Variants in ILRUN observed in about 807,000 individuals in gnomAD.
The protein encoded by ILRUN is inflammation and lipid regulator with UBA-like and NBR1-like domains, also known as protein ILRUN.
ILRUN carries 3 observed loss-of-function variants against 33.8 expected under a neutral mutation model. The observed-to-expected ratio is 0.09, with a 90% CI of 0.04 to 0.23. The LOEUF is 0.23. Ranked by LOEUF, ILRUN falls within the 10% of genes least tolerant of loss-of-function variation. ILRUN has a pLI of 1.00. For missense variants in ILRUN, 210 were observed against 375.1 expected, an observed-to-expected ratio of 0.56 and a Z score of 3.64; for synonymous variants, 124 against 138.9, an observed-to-expected ratio of 0.89 and a Z score of 0.75.
chr6:34,692,969 T>C (rs574462520), intron 1 of ILRUN, among the ~76,000 whole-genome samples: 4 of 152,240 alleles, frequency 2.6e-5, no homozygotes, highest in Admixed American at 2.6e-4. Context: ...TCCCAGCTAC[T>C]CAAGAGGCTG....
intron 1 of ILRUN, among the ~76,000 whole-genome samples, chr6:34,662,169 G>A (rs1422445336): frequency 7.1e-6 from 1 of 140,066 alleles, no homozygotes; most frequent in African/African-American, 2.7e-5. Context: ...AGCTGGGCGT[G>A]GTGGCAGGCG....
chr6:34,671,511 A>T (rs1000234433), intron 1 of ILRUN, among the ~76,000 whole-genome samples: 28 of 152,260 alleles, frequency 1.8e-4, no homozygotes, highest in Non-Finnish European at 4.0e-4. Context: ...AGTTATCTGT[A>T]TAATATATGT....
In ILRUN at chr6:34,683,479, T is replaced by TATAC. The variant is rs1562033108; in HGVS notation, c.158+12966_158+12967insGTAT. ...ATATATATACATATATATACACATA[T>TATAC]ATATATACATATATATATACATATA... On this transcript the variant is annotated intron_variant, in intron 1 of 4. Coordinates refer to ENST00000374023, the MANE Select transcript of ILRUN (RefSeq NM_024294.4). 1.4e-4 allele frequency among the ~76,000 whole-genome samples: 15 copies of TATAC among 106,298 alleles called. 1 individual carries two copies. The highest frequency in any genetic ancestry group is 6.3e-4 in the African/African-American group (13 of 20,560). The allele number at this position is 106,298 out of a possible 152,430, so 69.7% of individuals were successfully genotyped here.
At chr6:34,590,671 G>T in intron 4 of ILRUN, 71 bp from the exon 5 acceptor site, 1 of 1,117,012 alleles carries the variant, frequency 9.0e-7, no homozygotes. Flanking sequence ...CCAAGTGCAA[G>T]ATCTATGGTT....
intron 3 of ILRUN, among the ~76,000 whole-genome samples, chr6:34,645,064 CTCTT>C (rs1020813955): frequency 1.3e-5 from 2 of 152,128 alleles, no homozygotes; most frequent in Non-Finnish European, 2.9e-5. Flanking sequence ...CACTATGAGA[CTCTT>C]TCTAATATTA....
chr6:34,687,581 C>T (rs1272151686), intron 1 of ILRUN, among the ~76,000 whole-genome samples: 1 of 151,414 alleles, frequency 6.6e-6, no homozygotes, highest in Non-Finnish European at 1.5e-5. Context: ...AGCTGTAGTC[C>T]CAGCTACTCG....
intron 1 of ILRUN, among the ~76,000 whole-genome samples, chr6:34,675,299 A>G (rs577761153): frequency 6.6e-6 from 1 of 152,110 alleles, no homozygotes; most frequent in African/African-American, 2.4e-5. Flanking sequence ...AAAAAGCAAA[A>G]ACAACAACAA....
chr6:34,600,744 T>C (rs1374318196), intron 4 of ILRUN, among the ~76,000 whole-genome samples: 4 of 152,192 alleles, frequency 2.6e-5, no homozygotes, highest in African/African-American at 9.7e-5. Context: ...GGTTTAATAG[T>C]AGAAAAGTCA....
chr6:34,588,600 C>A lies in ILRUN; in HGVS notation c.*1965G>T, dbSNP rs1245172683. On this transcript the variant is annotated 3_prime_UTR_variant, in exon 5 of 5. Transcript: ENST00000374023. ...CATCCTGAGGCCTGTGGCGTGGGTACCTGGCAGAGACTTCCCTCTGCTCTG... is the reference window on the plus strand; with the variant it reads ...CATCCTGAGGCCTGTGGCGTGGGTAACTGGCAGAGACTTCCCTCTGCTCTG... 5.6e-6 allele frequency: 1 copy of A among 179,818 alleles called. No individual in the cohort carries two copies. Among genetic ancestry groups the A allele is most frequent in the African/African-American group, 2.3e-5 (1 of 42,770 alleles). The allele number at this position is 179,818 out of a possible 1,614,324, so 11.1% of individuals were successfully genotyped here. A position where few individuals can be genotyped will look rare whatever the true frequency, so the allele number is the denominator to read the frequency against.
At chr6:34,660,119 T>C (rs1382999469) in intron 1 of ILRUN, among the ~76,000 whole-genome samples, 1 of 146,294 alleles carries the variant, frequency 6.8e-6, no homozygotes, top group Non-Finnish European at 1.5e-5. Context: ...CTAGGTAACA[T>C]GGCGAAACCT....
At chr6:34,660,590 C>T (rs987352708) in intron 1 of ILRUN, among the ~76,000 whole-genome samples, 10 of 151,992 alleles carry the variant, frequency 6.6e-5, no homozygotes, top group East Asian at 1.9e-4. Context: ...ACCTGGGATA[C>T]GCCAATAATA....
intron 3 of ILRUN, among the ~76,000 whole-genome samples, chr6:34,641,078 CAAA>C (rs752197549): frequency 1.3e-5 from 1 of 77,114 alleles, no homozygotes; most frequent in Non-Finnish European, 2.6e-5. Flanking sequence ...GACTCCATCT[CAAA>C]AAAAAAAAAA....
chr6:34,608,792 T>C (rs1437865066), intron 3 of ILRUN, among the ~76,000 whole-genome samples: 1 of 152,196 alleles, frequency 6.6e-6, no homozygotes, highest in African/African-American at 2.4e-5. Flanking sequence ...CATAGGACAT[T>C]TGGTCATAGT....
intron 3 of ILRUN, chr6:34,617,185 C>T (rs542222489): frequency 7.8e-5 from 38 of 488,960 alleles, no homozygotes; most frequent in South Asian, 5.2e-4. Context: ...GAAAAAACTA[C>T]ACATTTTGTA....
intron 4 of ILRUN, chr6:34,595,936 T>A (rs1189525584): frequency 3.0e-6 from 3 of 984,812 alleles, no homozygotes; most frequent in African/African-American, 1.7e-5. Flanking sequence ...TCCTTTTGTA[T>A]CACTTATGTA....
intron 3 of ILRUN, among the ~76,000 whole-genome samples, chr6:34,620,688 G>A (rs530234749): frequency 7.9e-5 from 12 of 152,270 alleles, no homozygotes; most frequent in African/African-American, 2.9e-4. Flanking sequence ...AATTAGCTGG[G>A]CATCATGGCA....
chr6:34,662,686 G>A (rs1762914333), intron 1 of ILRUN, among the ~76,000 whole-genome samples: 1 of 152,324 alleles, frequency 6.6e-6, no homozygotes, highest in South Asian at 2.1e-4. Context: ...TGTTTAATGA[G>A]TACATAGTTT....
intron 1 of ILRUN, among the ~76,000 whole-genome samples, chr6:34,671,351 G>A (rs973107199): frequency 6.6e-6 from 1 of 152,106 alleles, no homozygotes; most frequent in African/African-American, 2.4e-5. Flanking sequence ...GCGCCGCTGC[G>A]CTCAAGCCTG....
chr6:34,659,416 A>G (rs1259299800), intron 1 of ILRUN, among the ~76,000 whole-genome samples: 1 of 152,156 alleles, frequency 6.6e-6, no homozygotes, highest in Non-Finnish European at 1.5e-5. Flanking sequence ...AGCCACACCT[A>G]TTCAAAAGTT....
Sources: gnomAD v4.1 joint callset for allele counts (sites outside exome capture counted in the v4.1 genomes callset) on GRCh38, gnomAD v4.1.1 for gene constraint, MANE v1.5 for transcripts, NCBI Gene and HGNC (gene_info 2026-07-23, HGNC 2026-07-21) for gene names.